Variants in UNC5C observed in about 807,000 individuals in gnomAD.
UNC5C encodes the protein netrin receptor UNC5C.
UNC5C carries 47 observed loss-of-function variants against 99.8 expected under a neutral mutation model. The ratio of observed to expected loss-of-function variants is 0.47; its 90% CI spans 0.37 to 0.60. UNC5C has a LOEUF of 0.60. Ranked by LOEUF, UNC5C falls within the 20% of genes least tolerant of loss-of-function variation. The pLI is 0.00. For missense variants in UNC5C, 1,062 were observed against 1,165.9 expected, an observed-to-expected ratio of 0.91 and a Z score of 1.30; for synonymous variants, 487 against 452.2, an observed-to-expected ratio of 1.08 and a Z score of -0.98.
intron 7 of UNC5C, among the ~76,000 whole-genome samples, chr4:95,234,997 G>A (rs1739057488): frequency 6.6e-6 from 1 of 152,116 alleles, no homozygotes; most frequent in African/African-American, 2.4e-5. Flanking sequence ...GTATGTGATA[G>A]GCAACTGGGA....
intron 5 of UNC5C, chr4:95,248,589 G>A (rs1739583936): frequency 4.4e-6 from 2 of 454,052 alleles, no homozygotes; most frequent in Admixed American, 2.4e-5. Flanking sequence ...CTAGCAGAGT[G>A]ATCTTGAGCC....
At chr4:95,497,670 T>C (rs997230424) in intron 1 of UNC5C, among the ~76,000 whole-genome samples, 4 of 152,038 alleles carry the variant, frequency 2.6e-5, no homozygotes, top group African/African-American at 9.7e-5. Flanking sequence ...ATTTTCCACA[T>C]ACTCATTTAC....
chr4:95,263,725 C>T (rs1740330633), intron 4 of UNC5C, among the ~76,000 whole-genome samples: 1 of 152,186 alleles, frequency 6.6e-6, no homozygotes, highest in Non-Finnish European at 1.5e-5. Context: ...ACTTCTACAA[C>T]AAGAAAAGTA....
chr4:95,451,490 T>C (rs1214356622), intron 1 of UNC5C, among the ~76,000 whole-genome samples: 1 of 152,202 alleles, frequency 6.6e-6, no homozygotes, highest in East Asian at 1.9e-4. Context: ...GATATAGTAA[T>C]AACCCTAATA....
intron 4 of UNC5C, among the ~76,000 whole-genome samples, chr4:95,268,579 T>C (rs556346929): frequency 5.9e-5 from 9 of 152,220 alleles, no homozygotes; most frequent in Non-Finnish European, 1.2e-4. Flanking sequence ...ATGTCAATAA[T>C]AGAGAGCAAA....
At chr4:95,284,756 T>C (rs1741174797) in intron 3 of UNC5C, among the ~76,000 whole-genome samples, 1 of 152,190 alleles carries the variant, frequency 6.6e-6, no homozygotes, top group South Asian at 2.1e-4. Context: ...TCTGTCTCCA[T>C]GGGACAGAGA....
At position 95,162,759 on chromosome 4, in the gene UNC5C, A is replaced by C. The variant is rs1339782714; in HGVS notation, c.*6475T>G. The C allele has an allele frequency of 1.3e-5, 2 of 152,152 alleles. No homozygotes were observed. Among genetic ancestry groups the C allele is most frequent in the Non-Finnish European group, 2.9e-5 (2 of 68,044 alleles). The allele number at this position is 152,152 out of a possible 1,614,324, so 9.4% of individuals were successfully genotyped here. A position where few individuals can be genotyped will look rare whatever the true frequency, so the allele number is the denominator to read the frequency against. ...GGGGTTTTTTTAGAAAAGGAATTGC[A>C]TAGAAGATACAGCAAGAGGGAACTC... On this transcript the variant is annotated 3_prime_UTR_variant, in exon 16 of 16. Coordinates refer to ENST00000453304, the MANE Select transcript of UNC5C (RefSeq NM_003728.4).
At chr4:95,337,339 A>G (rs914088925) in intron 1 of UNC5C, among the ~76,000 whole-genome samples, 2 of 151,998 alleles carry the variant, frequency 1.3e-5, no homozygotes, top group Non-Finnish European at 2.9e-5. Flanking sequence ...TTCAGAAGGT[A>G]AAACTTGAAA....
intron 1 of UNC5C, among the ~76,000 whole-genome samples, chr4:95,459,947 A>G (rs1307408698): frequency 6.6e-6 from 1 of 152,228 alleles, no homozygotes; most frequent in African/African-American, 2.4e-5. Context: ...AACATTAAGC[A>G]CTTATGCATT....
chr4:95,303,476 G>A (rs1579309777), intron 2 of UNC5C, among the ~76,000 whole-genome samples: 2 of 152,314 alleles, frequency 1.3e-5, no homozygotes. Context: ...AGGAGTTTGA[G>A]ACTAGTCTTG....
At chr4:95,215,313 A>T (rs1475598787) in intron 10 of UNC5C, among the ~76,000 whole-genome samples, 1 of 152,160 alleles carries the variant, frequency 6.6e-6, no homozygotes, top group Non-Finnish European at 1.5e-5. Context: ...CATGATGAGG[A>T]TCTCCATTTT....
chr4:95,477,714 C>A (rs1578184778), intron 1 of UNC5C, among the ~76,000 whole-genome samples: 2 of 152,124 alleles, frequency 1.3e-5, no homozygotes, highest in Non-Finnish European at 2.9e-5. Flanking sequence ...TTTCCTACAT[C>A]CACAATAATG....
At chr4:95,363,436 G>A (rs1744457641) in intron 1 of UNC5C, among the ~76,000 whole-genome samples, 2 of 152,154 alleles carry the variant, frequency 1.3e-5, no homozygotes, top group South Asian at 2.1e-4. Context: ...CTCAGAGATC[G>A]TTTACAACAG....
chr4:95,199,119 AAGG>A (rs1194242289), intron 12 of UNC5C, among the ~76,000 whole-genome samples: 1 of 152,088 alleles, frequency 6.6e-6, no homozygotes, highest in Non-Finnish European at 1.5e-5. Flanking sequence ...GGCAGGCCTG[AAGG>A]AGAAGGAGGC....
chr4:95,384,031 C>T (rs1745143759), intron 1 of UNC5C, among the ~76,000 whole-genome samples: 3 of 152,086 alleles, frequency 2.0e-5, no homozygotes, highest in Admixed American at 6.6e-5. Context: ...ATAGTATTAA[C>T]TAATTTAACT....
intron 1 of UNC5C, among the ~76,000 whole-genome samples, chr4:95,427,950 C>G (rs1253319678): frequency 6.6e-6 from 1 of 152,074 alleles, no homozygotes; most frequent in Non-Finnish European, 1.5e-5. Flanking sequence ...TGATATTTTT[C>G]TATATAATAG....
intron 10 of UNC5C, among the ~76,000 whole-genome samples, chr4:95,208,337 G>A (rs1022812161): frequency 9.9e-5 from 15 of 152,160 alleles, no homozygotes; most frequent in African/African-American, 3.4e-4. Flanking sequence ...AGGAAGTTAA[G>A]AAATTTGTTA....
At chr4:95,438,512 CA>C (rs1746856052) in intron 1 of UNC5C, among the ~76,000 whole-genome samples, 1 of 152,022 alleles carries the variant, frequency 6.6e-6, no homozygotes, top group East Asian at 1.9e-4. Flanking sequence ...GTATATGTCT[CA>C]AAACAGAAAA....
chr4:95,288,211 T>C (rs1308222849), intron 3 of UNC5C, among the ~76,000 whole-genome samples: 1 of 151,902 alleles, frequency 6.6e-6, no homozygotes, highest in African/African-American at 2.4e-5. Flanking sequence ...GCCTCCCGAG[T>C]AGCTGGGACT....
Sources: gnomAD v4.1 joint callset for allele counts (sites outside exome capture counted in the v4.1 genomes callset) on GRCh38, gnomAD v4.1.1 for gene constraint, MANE v1.5 for transcripts, NCBI Gene and HGNC (gene_info 2026-07-23, HGNC 2026-07-21) for gene names.